The following HCFC2 variants were observed in gnomAD, a reference collection of about 807,000 sequenced individuals.
The protein encoded by HCFC2 is host cell factor C2.
Under a neutral mutation model 89.2 loss-of-function variants are expected in HCFC2, and 18 were observed. The observed-to-expected ratio is 0.20, with a 90% CI of 0.14 to 0.30. The LOEUF (loss-of-function observed/expected upper bound fraction) is 0.30. Ranked by LOEUF, HCFC2 falls within the 10% of genes least tolerant of loss-of-function variation. The probability of loss-of-function intolerance (pLI) is 1.00; values close to 1 mark genes in which losing one functional copy is unlikely to be tolerated. For missense variants in HCFC2, 578 were observed against 956.1 expected (o/e 0.60, Z 5.21); for synonymous variants, 308 against 335.7 (o/e 0.92, Z 0.90).
intron 13 of HCFC2, among the ~76,000 whole-genome samples, chr12:104,101,507 T>C (rs2029937742): frequency 6.6e-6 from 1 of 152,050 alleles, no homozygotes; most frequent in African/African-American, 2.4e-5. Flanking sequence ...AAATTCTCTG[T>C]ACTACATGCT....
intron 13 of HCFC2, among the ~76,000 whole-genome samples, chr12:104,099,915 C>A (rs1281998217): frequency 2.0e-5 from 3 of 152,106 alleles, no homozygotes; most frequent in Non-Finnish European, 2.9e-5. Context: ...TCCCGGCTTC[C>A]CAAAGTGCTG....
intron 3 of HCFC2, among the ~76,000 whole-genome samples, chr12:104,075,197 A>AT (rs1883456047): frequency 6.6e-6 from 1 of 150,722 alleles, no homozygotes; most frequent in Non-Finnish European, 1.5e-5. Flanking sequence ...TGTGAAAATA[A>AT]AAAAAAAAAA....
chr12:104,072,487 A>G lies in HCFC2; in HGVS notation c.473+4380A>G, dbSNP rs185113947. On this transcript the variant is annotated intron_variant, in intron 3 of 14. Coordinates refer to ENST00000229330, the MANE Select transcript of HCFC2 (RefSeq NM_013320.3). ...CCATCTTAATAATATTGGGTCTGCC[A>G]ATTCATGAACATGGGATGTTTCTCC... is the stretch of plus-strand genomic sequence containing the variant. Among the ~76,000 whole-genome samples the G allele has an allele frequency of 2.3e-3, 354 of 152,246 alleles. 5 individuals are homozygous for G. Among genetic ancestry groups the G allele is most frequent in the Non-Finnish European group, 6.5e-4 (44 of 68,022 alleles).
At chr12:104,090,893 T>A (rs1367222364) in intron 9 of HCFC2, 6 of 152,208 alleles carry the variant, frequency 3.9e-5, no homozygotes, top group African/African-American at 1.4e-4. Flanking sequence ...GGGTGTGGCT[T>A]GTTGCTTAGT....
At chr12:104,071,763 TTTACA>T (rs1335876254) in intron 3 of HCFC2, among the ~76,000 whole-genome samples, 1 of 152,208 alleles carries the variant, frequency 6.6e-6, no homozygotes, top group Admixed American at 6.5e-5. Context: ...ACTACACTAT[TTTACA>T]TTCCCACCAG....
In HCFC2 at chr12:104,086,926, T is replaced by C. The variant is rs1185037; in HGVS notation, c.1143T>C (p.Ser381=). Residue 381 remains serine, a synonymous_variant, in exon 8 of 15, where the codon TCT becomes TCC. Transcript: ENST00000229330. ...TTCATGTCAAGTGGGATGAAGTGTC[T>C]ACAGTTGAGGGCTATCTTTTGCAGT... ...NSFHVKWDEV[S]TVEGYLLQLS... 3 of 1,614,048 alleles carry C rather than the reference T, an allele frequency of 1.9e-6. No homozygotes were observed. The highest frequency in any genetic ancestry group is 2.5e-6 in the Non-Finnish European group (3 of 1,179,906).
At chr12:104,067,883 A>G (rs1467206170) in intron 2 of HCFC2, 64 bp from the exon 3 acceptor site, 10 of 1,432,568 alleles carry the variant, frequency 7.0e-6, no homozygotes, top group Admixed American at 2.6e-5. Context: ...ATGTTGCACT[A>G]TTGACAATAT....
chr12:104,096,469 C>T (rs765003876), intron 12 of HCFC2, 36 bp downstream of exon 12: 1 of 1,421,540 alleles, frequency 7.0e-7, no homozygotes. Flanking sequence ...CATGTTTACA[C>T]ATGATTATGT....
chr12:104,070,319 C>T (rs1455395547), intron 3 of HCFC2, among the ~76,000 whole-genome samples: 2 of 152,168 alleles, frequency 1.3e-5, no homozygotes, highest in African/African-American at 2.4e-5. Context: ...TGAGCCACTG[C>T]GCCCGGCCAA....
intron 5 of HCFC2, among the ~76,000 whole-genome samples, chr12:104,081,177 A>G (rs1421988255): frequency 6.6e-5 from 10 of 152,152 alleles, no homozygotes; most frequent in Non-Finnish European, 1.5e-4. Context: ...GCTCTTAATG[A>G]TTATGCTTTA....
At chr12:104,086,400 A>C (rs1287413487) in intron 7 of HCFC2, among the ~76,000 whole-genome samples, 2 of 152,090 alleles carry the variant, frequency 1.3e-5, no homozygotes, top group Non-Finnish European at 2.9e-5. Context: ...TGGCTCATAA[A>C]ATTAAAGAAT....
In HCFC2 at chr12:104,102,951, C is replaced by G. The variant is rs192060036; in HGVS notation, c.2065-8C>G. 1.1e-4 allele frequency: 183 copies of G among 1,592,268 alleles called. No homozygotes were observed. The East Asian group carries it at 2.0e-3, about 18-fold the overall frequency. ...ACCTTTAACCTGTTTTTTCCCCCCCCCTTCAAGAATGTTGAAGGTATCCAC... is the reference window on the plus strand; with the variant it reads ...ACCTTTAACCTGTTTTTTCCCCCCCGCTTCAAGAATGTTGAAGGTATCCAC... On this transcript the variant is annotated splice_polypyrimidine_tract_variant and splice_region_variant and intron_variant, in intron 14 of 14. Coordinates refer to ENST00000229330, the MANE Select transcript of HCFC2 (RefSeq NM_013320.3).
intron 10 of HCFC2, among the ~76,000 whole-genome samples, chr12:104,093,891 A>G (rs556920013): frequency 8.3e-4 from 126 of 152,110 alleles, no homozygotes; most frequent in Non-Finnish European, 1.4e-3. Flanking sequence ...AGACTAAAGC[A>G]GTGGCTGACT....
chr12:104,067,096 CTTAAGTA>C (rs1460824261), intron 2 of HCFC2, among the ~76,000 whole-genome samples: 13 of 152,290 alleles, frequency 8.5e-5, no homozygotes, highest in African/African-American at 2.2e-4. Flanking sequence ...GCCGCAAATT[CTTAAGTA>C]TTAAGTACTG....
At chr12:104,101,680 T>C (rs1458147371) in intron 13 of HCFC2, among the ~76,000 whole-genome samples, 1 of 152,126 alleles carries the variant, frequency 6.6e-6, no homozygotes, top group Non-Finnish European at 1.5e-5. Flanking sequence ...TTTTTCTACC[T>C]TCACATTGTT....
intron 2 of HCFC2, among the ~76,000 whole-genome samples, chr12:104,067,737 GA>G (rs1883193861): frequency 1.3e-5 from 2 of 152,204 alleles, no homozygotes; most frequent in Admixed American, 1.3e-4. Flanking sequence ...GGAAATCTGT[GA>G]ATATGGAAGA....
chr12:104,101,749 T>C (rs1459583003), intron 13 of HCFC2, among the ~76,000 whole-genome samples: 1 of 152,118 alleles, frequency 6.6e-6, no homozygotes, highest in Non-Finnish European at 1.5e-5. Flanking sequence ...CTGGAAAGAG[T>C]GCTCACCTCT....
intron 3 of HCFC2, among the ~76,000 whole-genome samples, chr12:104,071,523 A>G (rs1883326226): frequency 6.6e-6 from 1 of 152,378 alleles, no homozygotes; most frequent in African/African-American, 2.4e-5. Flanking sequence ...TACTGTGCCT[A>G]CGGGGAAAGA....
At chr12:104,065,110 C>T in intron 1 of HCFC2, 1 of 163,592 alleles carries the variant, frequency 6.1e-6, no homozygotes, top group East Asian at 1.7e-4. Flanking sequence ...TAGGGCCTTT[C>T]CCGTCTTTGC....
Sources: gnomAD v4.1 joint callset for allele counts (sites outside exome capture counted in the v4.1 genomes callset) on GRCh38, gnomAD v4.1.1 for gene constraint, MANE v1.5 for transcripts, NCBI Gene and HGNC (gene_info 2026-07-23, HGNC 2026-07-21) for gene names.